The following CCSER1 variants were observed in gnomAD, a reference collection of about 807,000 sequenced individuals.
The protein encoded by CCSER1 is serine-rich coiled-coil domain-containing protein 1.
In CCSER1, 41 loss-of-function variants were observed where a neutral mutation model predicts 82.0. The ratio of observed to expected loss-of-function variants is 0.50; its 90% CI spans 0.39 to 0.65. The LOEUF is 0.65. Ranked by LOEUF, CCSER1 falls within the 30% of genes least tolerant of loss-of-function variation. The pLI, the probability that CCSER1 is intolerant of heterozygous loss-of-function variation, is 0.00. For synonymous variants in CCSER1, 414 were observed against 383.9 expected (o/e 1.08, Z -0.92); for missense variants, 1,119 against 1,064.2 (o/e 1.05, Z -0.72).
chr4:90,762,984 G>A (rs1441470089), intron 7 of CCSER1, among the ~76,000 whole-genome samples: 1 of 151,924 alleles, frequency 6.6e-6, no homozygotes, highest in Non-Finnish European at 1.5e-5. Flanking sequence ...ATGCAGTGAG[G>A]AGCCAAGGAA....
intron 4 of CCSER1, among the ~76,000 whole-genome samples, chr4:90,425,104 T>C (rs1434898520): frequency 1.3e-5 from 2 of 152,220 alleles, no homozygotes; most frequent in African/African-American, 4.8e-5. Flanking sequence ...ATCTTTGTTG[T>C]TTTTTGTTTT....
chr4:91,074,043 T>A (rs920788759), intron 9 of CCSER1, among the ~76,000 whole-genome samples: 1 of 152,158 alleles, frequency 6.6e-6, no homozygotes, highest in Admixed American at 6.6e-5. Context: ...AGGCCAGAAG[T>A]GTTTTACGAC....
At chr4:90,884,605 G>C (rs937143937) in intron 8 of CCSER1, among the ~76,000 whole-genome samples, 3 of 151,990 alleles carry the variant, frequency 2.0e-5, no homozygotes, top group African/African-American at 7.2e-5. Context: ...AATTCTGAAG[G>C]AGCAGAAAAA....
chr4:90,671,692 T>G (rs1732828000), intron 6 of CCSER1, among the ~76,000 whole-genome samples: 1 of 152,100 alleles, frequency 6.6e-6, no homozygotes, highest in Non-Finnish European at 1.5e-5. Flanking sequence ...AAGAATGTTC[T>G]TAGTGGCATC....
At chr4:91,497,321 G>A (rs1758977161) in intron 10 of CCSER1, among the ~76,000 whole-genome samples, 1 of 151,602 alleles carries the variant, frequency 6.6e-6, no homozygotes, top group African/African-American at 2.4e-5. Context: ...ACAAGTCTTA[G>A]TACAGTTCTA....
intron 3 of CCSER1, among the ~76,000 whole-genome samples, chr4:90,324,227 T>C (rs1169041633): frequency 6.6e-6 from 1 of 152,228 alleles, no homozygotes; most frequent in Non-Finnish European, 1.5e-5. Context: ...TAGTTCTAGA[T>C]ACCTGAGGAA....
intron 10 of CCSER1, among the ~76,000 whole-genome samples, chr4:91,099,358 C>T (rs1274819913): frequency 1.3e-5 from 2 of 152,082 alleles, no homozygotes; most frequent in East Asian, 3.8e-4. Context: ...GATCAAGAGA[C>T]CCTTTAAGGA....
chr4:90,718,580 C>T (rs1449862329), intron 6 of CCSER1, among the ~76,000 whole-genome samples: 1 of 152,116 alleles, frequency 6.6e-6, no homozygotes, highest in East Asian at 1.9e-4. Context: ...AACAATTTAA[C>T]ATCAGCTTTT....
intron 10 of CCSER1, among the ~76,000 whole-genome samples, chr4:91,539,565 A>C (rs570072470): frequency 1.3e-5 from 2 of 152,178 alleles, no homozygotes; most frequent in Non-Finnish European, 2.9e-5. Flanking sequence ...TTGGTCATCC[A>C]TGGTATTGCT....
intron 7 of CCSER1, among the ~76,000 whole-genome samples, chr4:90,779,818 C>T (rs190197919): frequency 8.5e-5 from 13 of 152,284 alleles, no homozygotes; most frequent in Admixed American, 8.5e-4. Context: ...ATGTCTTTCC[C>T]CCTATTAAAT....
At chr4:90,834,628 A>G (rs1373063231) in intron 8 of CCSER1, among the ~76,000 whole-genome samples, 1 of 152,222 alleles carries the variant, frequency 6.6e-6, no homozygotes, top group Non-Finnish European at 1.5e-5. Flanking sequence ...CTGATTTAAT[A>G]GTATTAATAA....
At chr4:90,917,274 A>C (rs1462301792) in intron 8 of CCSER1, among the ~76,000 whole-genome samples, 2 of 152,248 alleles carry the variant, frequency 1.3e-5, no homozygotes, top group Non-Finnish European at 2.9e-5. Flanking sequence ...CCAAATGTCC[A>C]ACAATGATGG....
At chr4:90,432,588 T>C (rs184034842) in intron 4 of CCSER1, among the ~76,000 whole-genome samples, 1 of 151,888 alleles carries the variant, frequency 6.6e-6, no homozygotes, top group East Asian at 1.9e-4. Flanking sequence ...CCTCTCTCTC[T>C]CTCTTTCTTT....
intron 10 of CCSER1, among the ~76,000 whole-genome samples, chr4:91,595,943 TAAAAAAAAAAAAAAA>T (rs1170927227): frequency 1.3e-5 from 1 of 78,888 alleles, no homozygotes; most frequent in Non-Finnish European, 2.3e-5. Flanking sequence ...ACAGAGAACT[TAAAAAAAAAAAAAAA>T]AAAAAAAAAC....
intron 7 of CCSER1, among the ~76,000 whole-genome samples, chr4:90,810,978 G>A (rs943836495): frequency 8.6e-5 from 13 of 151,536 alleles, no homozygotes; most frequent in Admixed American, 2.0e-4. Flanking sequence ...GACTACAGGT[G>A]CCCACCACCG....
At chr4:91,130,729 A>G (rs540469853) in intron 10 of CCSER1, among the ~76,000 whole-genome samples, 1 of 152,026 alleles carries the variant, frequency 6.6e-6, no homozygotes, top group African/African-American at 2.4e-5. Flanking sequence ...AGTGTTACAT[A>G]TAGTGAGAGA....
At position 90,624,235 on chromosome 4, in the gene CCSER1, G is replaced by T. The variant is rs1289691045; in HGVS notation, c.1725-3790G>T. Among the ~76,000 whole-genome samples, 3 of 152,094 alleles carry T rather than the reference G, an allele frequency of 2.0e-5. No individual in the cohort carries two copies. In the South Asian group the frequency reaches 6.2e-4, roughly 32 times the overall value. On this transcript the variant is annotated intron_variant, in intron 5 of 10. Transcript: ENST00000509176. ...GATGTCATTGCACTAAATAAGGAAAGGTTCCTATGACAGATAATGGGATCA... is the reference window on the plus strand; with the variant it reads ...GATGTCATTGCACTAAATAAGGAAATGTTCCTATGACAGATAATGGGATCA...
chr4:90,544,795 G>T (rs1038216348), intron 5 of CCSER1, among the ~76,000 whole-genome samples: 7 of 152,018 alleles, frequency 4.6e-5, no homozygotes, highest in Non-Finnish European at 1.0e-4. Flanking sequence ...AAATTCCAAA[G>T]GCTTAGAGAC....
At chr4:90,998,736 A>G (rs960750390) in intron 9 of CCSER1, among the ~76,000 whole-genome samples, 1 of 134,770 alleles carries the variant, frequency 7.4e-6, no homozygotes, top group African/African-American at 2.7e-5. Flanking sequence ...TTTTTTTTTT[A>G]CTTTTACATT....
Sources: gnomAD v4.1 joint callset for allele counts (sites outside exome capture counted in the v4.1 genomes callset) on GRCh38, gnomAD v4.1.1 for gene constraint, MANE v1.5 for transcripts, NCBI Gene and HGNC (gene_info 2026-07-23, HGNC 2026-07-21) for gene names.